Variants in ADAMTSL1 observed in about 807,000 individuals in gnomAD.
ADAMTSL1 encodes the protein ADAMTS like 1.
ADAMTSL1 carries 126 observed loss-of-function variants against 201.8 expected under a neutral mutation model. That is an observed-to-expected ratio of 0.62 (90% confidence interval 0.54 to 0.72). ADAMTSL1 has a LOEUF of 0.72. Ranked by LOEUF, ADAMTSL1 falls within the 30% of genes least tolerant of loss-of-function variation. The pLI is 0.00. For missense variants in ADAMTSL1, 2,679 were observed against 2,277.8 expected, an observed-to-expected ratio of 1.18 and a Z score of -3.59; for synonymous variants, 1,121 against 903.4, an observed-to-expected ratio of 1.24 and a Z score of -4.32.
intron 2 of ADAMTSL1, among the ~76,000 whole-genome samples, chr9:18,326,801 T>C (rs914987392): frequency 5.9e-5 from 9 of 152,236 alleles, no homozygotes; most frequent in African/African-American, 2.2e-4. Context: ...TTTCTCAGAA[T>C]GCATTTTTCC....
intron 7 of ADAMTSL1, among the ~76,000 whole-genome samples, chr9:18,640,136 G>A (rs1184891329): frequency 2.0e-5 from 3 of 152,106 alleles, no homozygotes; most frequent in African/African-American, 7.2e-5. Context: ...ATGACCCCAT[G>A]GCAGCTGGAA....
chr9:18,574,236 T>C lies in ADAMTSL1; in HGVS notation c.444T>C (p.Ser148=), dbSNP rs536659770. Residue 148 remains serine, a synonymous_variant, in exon 4 of 29, where the codon TCT becomes TCC. Coordinates refer to ENST00000380548, the MANE Select transcript of ADAMTSL1 (RefSeq NM_001040272.6). ...ATGGTACGCGTTGCTATACAGAATC[T>C]TTGGATATGTGCATCAGTGGTTTAT... The part of the protein sequence containing the change: ...VLDGTRCYTE[S]LDMCISGLCQ... 4.3e-6 allele frequency: 7 copies of C among 1,614,148 alleles called. No homozygotes were observed. In the South Asian group the frequency reaches 7.7e-5, roughly 18 times the overall value.
intron 26 of ADAMTSL1, among the ~76,000 whole-genome samples, chr9:18,897,887 TG>T (rs1829749774): frequency 2.0e-5 from 3 of 151,900 alleles, no homozygotes; most frequent in African/African-American, 7.3e-5. Context: ...CTTCAGACGG[TG>T]GATAGTAGGC....
chr9:18,902,055 C>G (rs1289484898), intron 26 of ADAMTSL1, among the ~76,000 whole-genome samples: 1 of 152,068 alleles, frequency 6.6e-6, no homozygotes, highest in African/African-American at 2.4e-5. Flanking sequence ...GGTCAATATA[C>G]CAAGAACATA....
At chr9:18,906,330 CT>C (rs1262980020) in intron 27 of ADAMTSL1, among the ~76,000 whole-genome samples, 3 of 152,144 alleles carry the variant, frequency 2.0e-5, no homozygotes, top group African/African-American at 7.2e-5. Context: ...AGTCCCCATC[CT>C]TATGACACTT....
At position 18,781,692 on chromosome 9, in the gene ADAMTSL1, T is replaced by C. The variant is rs188841290; in HGVS notation, c.3677+3786T>C. ...AGAAGTGCTGAAATGTCCAGTGTTA[T>C]AGTTCAGTTAGTCTGTTTTTGCTAA... On this transcript the variant is annotated intron_variant, in intron 19 of 28. Transcript: ENST00000380548. Among the ~76,000 whole-genome samples the C allele has an allele frequency of 3.5e-3, 532 of 152,312 alleles. 2 individuals are homozygous for C. The highest frequency in any genetic ancestry group is 6.2e-3 in the Non-Finnish European group (420 of 68,038).
At chr9:17,947,064 A>C (rs1021049280) in intron 1 of ADAMTSL1, among the ~76,000 whole-genome samples, 3 of 152,058 alleles carry the variant, frequency 2.0e-5, no homozygotes, top group Non-Finnish European at 2.9e-5. Flanking sequence ...GGCATGTAAA[A>C]GCATATCAGC....
chr9:18,112,843 A>G (rs1384744894), intron 1 of ADAMTSL1, among the ~76,000 whole-genome samples: 1 of 152,196 alleles, frequency 6.6e-6, no homozygotes, highest in Non-Finnish European at 1.5e-5. Flanking sequence ...GCTCTGGCAT[A>G]TAAGAGCTTA....
At chr9:18,851,784 G>C (rs543279825) in intron 23 of ADAMTSL1, among the ~76,000 whole-genome samples, 22 of 152,256 alleles carry the variant, frequency 1.4e-4, no homozygotes, top group South Asian at 4.2e-4. Flanking sequence ...CACTTGAGGC[G>C]TTTTTCCCTT....
chr9:17,965,989 T>G (rs1817966031), intron 1 of ADAMTSL1, among the ~76,000 whole-genome samples: 1 of 152,174 alleles, frequency 6.6e-6, no homozygotes, highest in Admixed American at 6.5e-5. Context: ...AATTTTGAAC[T>G]AGTGAAATAA....
intron 1 of ADAMTSL1, among the ~76,000 whole-genome samples, chr9:17,917,570 A>G (rs999582532): frequency 6.6e-6 from 1 of 152,122 alleles, no homozygotes; most frequent in Non-Finnish European, 1.5e-5. Context: ...TTATTTTTAT[A>G]TATTGTTGGA....
At chr9:18,562,580 G>T (rs1230728197) in intron 3 of ADAMTSL1, among the ~76,000 whole-genome samples, 1 of 152,164 alleles carries the variant, frequency 6.6e-6, no homozygotes, top group African/African-American at 2.4e-5. Context: ...CTAGGTTGGG[G>T]AAGTCTCCTG....
At chr9:17,968,161 C>T (rs1373326424) in intron 1 of ADAMTSL1, among the ~76,000 whole-genome samples, 2 of 152,088 alleles carry the variant, frequency 1.3e-5, no homozygotes, top group Non-Finnish European at 2.9e-5. Context: ...TTAGTGTGTA[C>T]TGCTACCAAG....
At chr9:18,056,021 G>A (rs1322397040) in intron 1 of ADAMTSL1, among the ~76,000 whole-genome samples, 1 of 152,134 alleles carries the variant, frequency 6.6e-6, no homozygotes, top group Non-Finnish European at 1.5e-5. Flanking sequence ...AGATAACCAT[G>A]AGCAAAAACA....
chr9:18,807,453 G>A (rs1489050633), intron 20 of ADAMTSL1, among the ~76,000 whole-genome samples: 2 of 152,062 alleles, frequency 1.3e-5, no homozygotes, highest in Admixed American at 6.6e-5. Flanking sequence ...GACCATCCTG[G>A]CTAACACGGT....
At chr9:18,788,253 TC>T (rs1184006011) in intron 19 of ADAMTSL1, among the ~76,000 whole-genome samples, 2 of 152,206 alleles carry the variant, frequency 1.3e-5, no homozygotes, top group African/African-American at 4.8e-5. Context: ...AGAAAAATAA[TC>T]CTGCTCACGG....
At chr9:18,430,168 A>G (rs1470199084) in intron 2 of ADAMTSL1, among the ~76,000 whole-genome samples, 1 of 152,182 alleles carries the variant, frequency 6.6e-6, no homozygotes, top group Non-Finnish European at 1.5e-5. Context: ...TTGAAATGCA[A>G]ATACTGATTC....
intron 2 of ADAMTSL1, among the ~76,000 whole-genome samples, chr9:18,381,229 T>C (rs1487090757): frequency 2.0e-5 from 3 of 152,232 alleles, no homozygotes; most frequent in Non-Finnish European, 4.4e-5. Context: ...CATTCATCTT[T>C]TCCCTCATGT....
intron 1 of ADAMTSL1, among the ~76,000 whole-genome samples, chr9:17,993,282 T>C (rs1284713744): frequency 6.6e-6 from 1 of 152,170 alleles, no homozygotes; most frequent in African/African-American, 2.4e-5. Flanking sequence ...TTCATTCCTG[T>C]TTAACATGTT....
Sources: allele counts gnomAD v4.1 joint callset (sites outside exome capture counted in the v4.1 genomes callset), GRCh38; gene constraint gnomAD v4.1.1; transcripts MANE v1.5; gene names NCBI Gene and HGNC (gene_info 2026-07-23, HGNC 2026-07-21).